The following FGD4 variants were observed in gnomAD, a reference collection of about 807,000 sequenced individuals.
FGD4 encodes FYVE, RhoGEF and PH domain containing 4, also known as FYVE, RhoGEF and PH domain-containing protein 4.
FGD4 carries 42 observed loss-of-function variants against 102.0 expected under a neutral mutation model. The observed-to-expected ratio is 0.41, with a 90% CI of 0.32 to 0.53. The LOEUF is 0.53. FGD4 is among the 20% of genes least tolerant of loss of function. The probability of loss-of-function intolerance (pLI) is 0.21; values close to 1 mark genes in which losing one functional copy is unlikely to be tolerated. For synonymous variants in FGD4, 380 were observed against 375.7 expected (o/e 1.01, Z -0.13); for missense variants, 902 against 1,078.2 (o/e 0.84, Z 2.29).
intron 1 of FGD4, among the ~76,000 whole-genome samples, chr12:32,561,736 A>G (rs1399381428): frequency 6.6e-6 from 1 of 152,240 alleles, no homozygotes; most frequent in Non-Finnish European, 1.5e-5. Context: ...ACACTGACAC[A>G]TGACTTCTTT....
Position 32,642,523 on chromosome 12 carries a change from A to G in FGD4, c.*1990A>G, listed in dbSNP as rs575869656. The stretch of plus-strand genomic sequence containing the variant: ...TTTTTGAAAACTATTTTTAAAAGCA[A>G]GAAGACTACACTTTCCCTACCAAAA... On this transcript the variant is annotated 3_prime_UTR_variant, in exon 17 of 17. Coordinates refer to ENST00000534526, the MANE Select transcript of FGD4 (RefSeq NM_001370298.3). 3 of 152,246 alleles carry G rather than the reference A, an allele frequency of 2.0e-5. No homozygotes were observed. Among genetic ancestry groups the G allele is most frequent in the South Asian group, 4.1e-4 (2 of 4,822 alleles). The allele number at this position is 152,246 out of a possible 1,614,324, so 9.4% of individuals were successfully genotyped here.
rs1204759338 is a variant in FGD4 at position 32,434,452 on chromosome 12, T to C, written c.166+34493T>C. On this transcript the variant is annotated intron_variant, in intron 1 of 16. Coordinates refer to ENST00000534526, the MANE Select transcript of FGD4 (RefSeq NM_001370298.3). Reference sequence around the variant, plus strand: ...TATTGAAAATAGTTTCTTTCTCCCTTCAAGTTGGATAAATTTTGTACACAC... The same window carrying C: ...TATTGAAAATAGTTTCTTTCTCCCTCCAAGTTGGATAAATTTTGTACACAC... Among the ~76,000 whole-genome samples the C allele has an allele frequency of 2.0e-5, 3 of 152,214 alleles. No homozygotes were observed. In the East Asian group the frequency reaches 5.8e-4, roughly 29 times the overall value.
At chr12:32,573,152 G>A (rs1419900235) in intron 2 of FGD4, among the ~76,000 whole-genome samples, 5 of 152,154 alleles carry the variant, frequency 3.3e-5, no homozygotes, top group Admixed American at 1.3e-4. Flanking sequence ...CTGGAGTGCA[G>A]TGGCGCGATC....
At chr12:32,608,804 C>T (rs1948954143) in intron 8 of FGD4, among the ~76,000 whole-genome samples, 1 of 152,170 alleles carries the variant, frequency 6.6e-6, no homozygotes, top group African/African-American at 2.4e-5. Context: ...GCTACTTTCC[C>T]TTGTAATTTC....
intron 1 of FGD4, among the ~76,000 whole-genome samples, chr12:32,444,670 G>A (rs530211087): frequency 3.3e-4 from 51 of 152,292 alleles, no homozygotes; most frequent in Non-Finnish European, 6.9e-4. Context: ...TTCCTAAAGT[G>A]CTGAGATTAT....
At chr12:32,487,016 A>G (rs924907140) in intron 1 of FGD4, among the ~76,000 whole-genome samples, 3 of 152,204 alleles carry the variant, frequency 2.0e-5, no homozygotes, top group African/African-American at 7.2e-5. Context: ...CCCACCATGT[A>G]TCATTAAATT....
rs1374595515 is a variant in FGD4 at position 32,601,406 on chromosome 12, G to A, written c.1230G>A (p.Glu410=). Residue 410 remains glutamate, a synonymous_variant, in exon 6 of 17, where the codon GAG becomes GAA. Transcript: ENST00000534526. Reference sequence around the variant, plus strand: ...GTAAATTCCTCTTGCCAGAGCTGGAGAAACGAATGCAAGAATGGTAAGAGG... The same window carrying A: ...GTAAATTCCTCTTGCCAGAGCTGGAAAAACGAATGCAAGAATGGTAAGAGG... The part of the protein sequence containing the change: ...FHSKFLLPEL[E]KRMQEWETTP... 2 of 1,613,778 alleles carry A rather than the reference G, an allele frequency of 1.2e-6. No homozygotes were observed. Among genetic ancestry groups the A allele is most frequent in the Admixed American group, 3.3e-5 (2 of 59,984 alleles).
chr12:32,451,069 T>G (rs1451547583), intron 1 of FGD4, among the ~76,000 whole-genome samples: 2 of 152,244 alleles, frequency 1.3e-5, no homozygotes, highest in Admixed American at 6.5e-5. Context: ...GGACTAGACT[T>G]CGCTTATAAT....
chr12:32,580,227 G>A (rs1269507057), intron 3 of FGD4, among the ~76,000 whole-genome samples: 2 of 152,084 alleles, frequency 1.3e-5, no homozygotes, highest in East Asian at 3.9e-4. Flanking sequence ...TAATTTCTAA[G>A]CCTAGATTTC....
intron 16 of FGD4, 104 bp downstream of exon 16, chr12:32,638,899 C>A (rs117875400): frequency 1.3e-6 from 2 of 1,571,278 alleles, no homozygotes; most frequent in Middle Eastern, 1.7e-4. Flanking sequence ...CAGGCAGTTT[C>A]ACTGTTTCAT....
At chr12:32,567,861 AT>A (rs534358945) in intron 2 of FGD4, among the ~76,000 whole-genome samples, 7 of 151,934 alleles carry the variant, frequency 4.6e-5, no homozygotes, top group Admixed American at 1.3e-4. Context: ...TAATTTTTGT[AT>A]TTTTTGTTAG....
At chr12:32,459,384 G>A (rs1943037434) in intron 1 of FGD4, among the ~76,000 whole-genome samples, 1 of 151,886 alleles carries the variant, frequency 6.6e-6, no homozygotes, top group African/African-American at 2.4e-5. Flanking sequence ...AGTAGAGATG[G>A]GGTCTTGCCA....
At chr12:32,427,208 A>G (rs1270173087) in intron 1 of FGD4, among the ~76,000 whole-genome samples, 2 of 152,196 alleles carry the variant, frequency 1.3e-5, no homozygotes, top group Admixed American at 6.5e-5. Context: ...ATTTAATGCT[A>G]TGAATTTCCC....
rs1425509695 is a variant in FGD4, at chr12:32,640,267, T to A, written c.2455-9T>A. On this transcript the variant is annotated splice_polypyrimidine_tract_variant and intron_variant, in intron 16 of 16. Transcript: ENST00000534526. Reference sequence around the variant, plus strand: ...CACCTGCTTTTAATGTCTGATGTCTTTTCTTTAGGACGTCAGAGCCCAGGC... The same window carrying A: ...CACCTGCTTTTAATGTCTGATGTCTATTCTTTAGGACGTCAGAGCCCAGGC... 1 of 1,614,198 alleles carries A rather than the reference T, an allele frequency of 6.2e-7. No homozygotes were observed. The highest frequency in any genetic ancestry group is 1.1e-5 in the South Asian group (1 of 91,086).
intron 2 of FGD4, among the ~76,000 whole-genome samples, chr12:32,567,295 A>C (rs1049866522): frequency 6.6e-6 from 1 of 152,158 alleles, no homozygotes; most frequent in African/African-American, 2.4e-5. Flanking sequence ...TTTACTGCCA[A>C]CACCACCAGC....
chr12:32,523,361 T>C (rs1037963873), intron 1 of FGD4, among the ~76,000 whole-genome samples: 2 of 152,232 alleles, frequency 1.3e-5, no homozygotes, highest in Non-Finnish European at 1.5e-5. Flanking sequence ...AATACATTTA[T>C]ATTGTAGTAC....
At chr12:32,416,413 CTTCTTTCT>C (rs1449182532) in intron 1 of FGD4, among the ~76,000 whole-genome samples, 2 of 152,126 alleles carry the variant, frequency 1.3e-5, no homozygotes, top group African/African-American at 4.8e-5. Flanking sequence ...TTGGTCTTCT[CTTCTTTCT>C]TTCCTTCTTT....
intron 1 of FGD4, among the ~76,000 whole-genome samples, chr12:32,400,770 C>T (rs1224956569): frequency 4.6e-5 from 7 of 152,152 alleles, no homozygotes; most frequent in African/African-American, 1.7e-4. Context: ...GACCAGCTTA[C>T]GAGGCAAAAC....
intron 5 of FGD4, chr12:32,600,463 G>A: frequency 7.8e-7 from 1 of 1,284,612 alleles, no homozygotes; most frequent in Non-Finnish European, 1.0e-6. Context: ...ACATTATGAA[G>A]GAATAGACCT....
Sources: gnomAD v4.1 joint callset for allele counts (sites outside exome capture counted in the v4.1 genomes callset) on GRCh38, gnomAD v4.1.1 for gene constraint, MANE v1.5 for transcripts, NCBI Gene and HGNC (gene_info 2026-07-23, HGNC 2026-07-21) for gene names.